The following KCNQ1 variants were observed in gnomAD, a reference collection of about 807,000 sequenced individuals.
KCNQ1 encodes the protein potassium voltage-gated channel subfamily KQT member 1.
Under a neutral mutation model 72.4 loss-of-function variants are expected in KCNQ1, and 49 were observed. The ratio of observed to expected loss-of-function variants is 0.68; its 90% CI spans 0.54 to 0.86. KCNQ1 has a LOEUF of 0.86. Among genes scored for constraint, KCNQ1 ranks in the 40% least tolerant of loss-of-function variants. The probability of loss-of-function intolerance (pLI) is 0.00; values close to 1 mark genes in which losing one functional copy is unlikely to be tolerated. For missense variants in KCNQ1, 790 were observed against 945.1 expected (o/e 0.84, Z 2.15); for synonymous variants, 450 against 412.6 (o/e 1.09, Z -1.10).
chr11:2,612,106 CA>C lies in KCNQ1; in HGVS notation c.1393+23254del. The stretch of plus-strand genomic sequence containing the variant: ...CACATCCTGTTAGGACAGGGGTTCC[CA>C]ACCCCAGGGCCATGGACTGGTACCA... On this transcript the variant is annotated intron_variant, in intron 10 of 15. Coordinates refer to ENST00000155840, the MANE Select transcript of KCNQ1 (RefSeq NM_000218.3). This position sits in a 1 kb window ranked among gnomAD's most constrained non-coding sequence, Gnocchi z 5.5. The C allele has an allele frequency of 2.5e-6, 1 of 398,572 alleles. No homozygotes were observed. The highest frequency in any genetic ancestry group is 4.4e-6 in the Non-Finnish European group (1 of 226,066). 24.7% of individuals were successfully genotyped at this position (398,572 alleles called of 1,614,324 possible). A position where few individuals can be genotyped will look rare whatever the true frequency, so the allele number is the denominator to read the frequency against.
chr11:2,473,524 C>T lies in KCNQ1; in HGVS notation c.386+28040C>T, dbSNP rs956557763. On this transcript the variant is annotated intron_variant, in intron 1 of 15. Coordinates refer to ENST00000155840, the MANE Select transcript of KCNQ1 (RefSeq NM_000218.3). This position sits in a 1 kb window ranked among gnomAD's most constrained non-coding sequence, Gnocchi z 6.0. ...GGCAAGGCCGTTTCCCGTCCTGGTC[C>T]GTCGTTGAGTCCCCTGCCGTGGGAC... Among the ~76,000 whole-genome samples, 7 of 152,296 alleles carry T rather than the reference C, an allele frequency of 4.6e-5. No individual in the cohort carries two copies. The highest frequency in any genetic ancestry group is 2.1e-4 in the South Asian group (1 of 4,820).
intron 10 of KCNQ1, among the ~76,000 whole-genome samples, chr11:2,590,920 G>A (rs998089855): frequency 4.6e-5 from 7 of 152,220 alleles, no homozygotes; most frequent in African/African-American, 1.2e-4. Flanking sequence ...GAGGCCAAGC[G>A]CTGATGCCCT....
Position 2,594,224 on chromosome 11 carries a change from T to C in KCNQ1, c.1393+5370T>C, listed in dbSNP as rs113040603. 8.3e-3 allele frequency among the ~76,000 whole-genome samples: 1,259 copies of C among 152,342 alleles called. 14 individuals are homozygous for C. Among genetic ancestry groups the C allele is most frequent in the African/African-American group, 0.027 (1,127 of 41,576 alleles). On this transcript the variant is annotated intron_variant, in intron 10 of 15. Coordinates refer to ENST00000155840, the MANE Select transcript of KCNQ1 (RefSeq NM_000218.3). The stretch of plus-strand genomic sequence containing the variant: ...GTTGGGAGAAAGTAACAGGTTAATA[T>C]GTACATTTTGTCTGAAGACTCTGGA...
intron 10 of KCNQ1, chr11:2,622,700 G>T (rs1301660196): frequency 5.0e-6 from 2 of 398,406 alleles, no homozygotes; most frequent in Non-Finnish European, 8.8e-6. Context: ...GTCTGTATGT[G>T]TGTATGTGTA....
rs1848777697 is a variant in KCNQ1, at chr11:2,599,967, T to C, written c.1393+11113T>C. ...GTGACACAGGAATAGGCTTGTTAATTTCAGTGATGTAGCCAGGTTGTTTTT... is the reference window on the plus strand; with the variant it reads ...GTGACACAGGAATAGGCTTGTTAATCTCAGTGATGTAGCCAGGTTGTTTTT... On this transcript the variant is annotated intron_variant, in intron 10 of 15. Coordinates refer to ENST00000155840, the MANE Select transcript of KCNQ1 (RefSeq NM_000218.3). This position sits in a 1 kb window ranked among gnomAD's most constrained non-coding sequence, Gnocchi z 4.7. Among the ~76,000 whole-genome samples, 1 of 152,228 alleles carries C rather than the reference T, an allele frequency of 6.6e-6. No individual in the cohort carries two copies. The highest frequency in any genetic ancestry group is 2.4e-5 in the African/African-American group (1 of 41,460).
rs1589982014 is a variant in KCNQ1, at chr11:2,613,931, A to G, written c.1393+25077A>G. 7.5e-6 allele frequency: 3 copies of G among 398,582 alleles called. No individual in the cohort carries two copies. In the East Asian group the frequency reaches 1.1e-4, roughly 14 times the overall value. 24.7% of individuals were successfully genotyped at this position (398,582 alleles called of 1,614,324 possible). On this transcript the variant is annotated intron_variant, in intron 10 of 15. Coordinates refer to ENST00000155840, the MANE Select transcript of KCNQ1 (RefSeq NM_000218.3). The surrounding 1 kb of genome is among the most constrained non-coding windows in gnomAD (Gnocchi z 4.8). ...TACTATTCTGTATATGCCCTTTTGA[A>G]CTTTGCTTTTCTCACCTAACAACAT...
At position 2,536,178 on chromosome 11, in the gene KCNQ1, G is replaced by T. The variant is rs551244850; in HGVS notation, c.477+8160G>T. Among the ~76,000 whole-genome samples the T allele has an allele frequency of 3.2e-4, 48 of 152,354 alleles. No individual in the cohort carries two copies. In the South Asian group the frequency reaches 7.0e-3, roughly 22 times the overall value. On this transcript the variant is annotated intron_variant, in intron 2 of 15. Coordinates refer to ENST00000155840, the MANE Select transcript of KCNQ1 (RefSeq NM_000218.3). The surrounding 1 kb of genome is among the most constrained non-coding windows in gnomAD (Gnocchi z 7.4). ...CCTGTGACAGGAGCTCAGGCTCAGGGCAGCAGGGGCGCTCAGCTGGGCCGC... is the reference window on the plus strand; with the variant it reads ...CCTGTGACAGGAGCTCAGGCTCAGGTCAGCAGGGGCGCTCAGCTGGGCCGC...
chr11:2,617,123 C>T lies in KCNQ1; in HGVS notation c.1393+28269C>T, dbSNP rs1281042797. On this transcript the variant is annotated intron_variant, in intron 10 of 15. Transcript: ENST00000155840. The surrounding 1 kb of genome is among the most constrained non-coding windows in gnomAD (Gnocchi z 4.6). ...TGATCTACTCAATTGGCAAAAATTC[C>T]AAATGCAATATACTAACTATTCTCA... is the stretch of plus-strand genomic sequence containing the variant. The T allele has an allele frequency of 2.5e-6, 1 of 398,022 alleles. No homozygotes were observed. Among genetic ancestry groups the T allele is most frequent in the Admixed American group, 4.4e-5 (1 of 22,678 alleles). The allele number at this position is 398,022 out of a possible 1,614,324, so 24.7% of individuals were successfully genotyped here.
At chr11:2,476,521 A>G (rs1846570729) in intron 1 of KCNQ1, among the ~76,000 whole-genome samples, 1 of 152,228 alleles carries the variant, frequency 6.6e-6, no homozygotes, top group African/African-American at 2.4e-5. Context: ...AGATAAGAAT[A>G]GAAAATAATA....
In KCNQ1 at chr11:2,657,722, T is replaced by C. The variant is rs544138442; in HGVS notation, c.1394-4239T>C. 8.5e-5 allele frequency: 34 copies of C among 398,514 alleles called. No individual in the cohort carries two copies. Among genetic ancestry groups the C allele is most frequent in the Non-Finnish European group, 1.2e-4 (28 of 226,056 alleles). 24.7% of individuals were successfully genotyped at this position (398,514 alleles called of 1,614,324 possible). ...CATCTAGGATCGATCATTACATTTA[T>C]TGTCATCTCTGATCGGTGACGGGCT... On this transcript the variant is annotated intron_variant, in intron 10 of 15. Transcript: ENST00000155840. This position sits in a 1 kb window ranked among gnomAD's most constrained non-coding sequence, Gnocchi z 4.8.
At chr11:2,753,392 G>A (rs1019955329) in intron 11 of KCNQ1, among the ~76,000 whole-genome samples, 1 of 152,110 alleles carries the variant, frequency 6.6e-6, no homozygotes, top group Non-Finnish European at 1.5e-5. Context: ...TTCCTGCCTG[G>A]GTCCCTGATC....
At chr11:2,701,471 C>T (rs1481508356) in intron 11 of KCNQ1, among the ~76,000 whole-genome samples, 12 of 152,200 alleles carry the variant, frequency 7.9e-5, no homozygotes, top group Admixed American at 6.5e-4. Flanking sequence ...AAGTTTTTGT[C>T]ATCTGCCTGT....
At position 2,658,923 on chromosome 11, in the gene KCNQ1, A is replaced by G; in HGVS notation, c.1394-3038A>G. 2 of 398,564 alleles carry G rather than the reference A, an allele frequency of 5.0e-6. No individual in the cohort carries two copies. The highest frequency in any genetic ancestry group is 4.4e-6 in the Non-Finnish European group (1 of 226,028). 24.7% of individuals were successfully genotyped at this position (398,564 alleles called of 1,614,324 possible). A position where few individuals can be genotyped will look rare whatever the true frequency, so the allele number is the denominator to read the frequency against. On this transcript the variant is annotated intron_variant, in intron 10 of 15. Coordinates refer to ENST00000155840, the MANE Select transcript of KCNQ1 (RefSeq NM_000218.3). The surrounding 1 kb of genome is among the most constrained non-coding windows in gnomAD (Gnocchi z 4.9). ...GTAGTACCCTATGTGAAGCAAATTT[A>G]CCTACTAGATTAGAGTGTTTAGGAC... is the stretch of plus-strand genomic sequence containing the variant.
chr11:2,665,409 G>A (rs1261706001), intron 11 of KCNQ1: 1 of 397,816 alleles, frequency 2.5e-6, no homozygotes, highest in Non-Finnish European at 4.4e-6. Flanking sequence ...ATGAGTTCCT[G>A]GGATTCTGAC....
chr11:2,517,236 C>T (rs77728001), intron 1 of KCNQ1, among the ~76,000 whole-genome samples: 8,862 of 152,244 alleles, frequency 0.058, 279 homozygotes, highest in African/African-American at 0.075. Flanking sequence ...CCTGCAGGGC[C>T]GTTGAAGAGG....
At chr11:2,606,601 A>C (rs545421705) in intron 10 of KCNQ1, among the ~76,000 whole-genome samples, 1 of 152,168 alleles carries the variant, frequency 6.6e-6, no homozygotes, top group African/African-American at 2.4e-5. Context: ...CTGGTGCCAT[A>C]TTTCCTGTAT....
chr11:2,499,265 A>G (rs765009718), intron 1 of KCNQ1, among the ~76,000 whole-genome samples: 1 of 151,964 alleles, frequency 6.6e-6, no homozygotes, highest in Non-Finnish European at 1.5e-5. Context: ...GAGTTGTAAG[A>G]TATTTTCAAG....
rs959606326 is a variant in KCNQ1, at chr11:2,759,897, C to T, written c.1515-8947C>T. Among the ~76,000 whole-genome samples the T allele has an allele frequency of 5.9e-5, 9 of 152,188 alleles. No homozygotes were observed. Among genetic ancestry groups the T allele is most frequent in the African/African-American group, 2.2e-4 (9 of 41,438 alleles). ...CAAGCCCCAGGACCCCCTGGAGTCA[C>T]CTCCAGCCCTCCCACATGCCAGCCC... is the stretch of plus-strand genomic sequence containing the variant. On this transcript the variant is annotated intron_variant, in intron 11 of 15. Transcript: ENST00000155840. The surrounding 1 kb of genome is among the most constrained non-coding windows in gnomAD (Gnocchi z 4.4).
chr11:2,500,244 C>T (rs573362308), intron 1 of KCNQ1, among the ~76,000 whole-genome samples: 2 of 152,288 alleles, frequency 1.3e-5, no homozygotes, highest in East Asian at 3.9e-4. Context: ...AAAAAAAAGA[C>T]ATTTATGCAG....
Sources: gnomAD v4.1 joint callset for allele counts (sites outside exome capture counted in the v4.1 genomes callset) on GRCh38, gnomAD v4.1.1 for gene constraint, Gnocchi (gnomAD v3.1) non-coding constraint, MANE v1.5 for transcripts, NCBI Gene and HGNC (gene_info 2026-07-23, HGNC 2026-07-21) for gene names.